CACNA2D3: variants seen among roughly 807,000 people sequenced by gnomAD.
CACNA2D3 encodes calcium voltage-gated channel auxiliary subunit alpha2delta 3.
In CACNA2D3, 60 loss-of-function variants were observed where a neutral mutation model predicts 160.6. The ratio of observed to expected loss-of-function variants is 0.37; its 90% CI spans 0.30 to 0.46. CACNA2D3 has a LOEUF of 0.46. Among genes scored for constraint, CACNA2D3 ranks in the 20% least tolerant of loss-of-function variants. CACNA2D3 has a pLI of 1.00. For missense variants in CACNA2D3, 1,205 were observed against 1,365.0 expected, an observed-to-expected ratio of 0.88 and a Z score of 1.85; for synonymous variants, 558 against 492.9, an observed-to-expected ratio of 1.13 and a Z score of -1.75.
chr3:54,300,510 G>C (rs1469159638), intron 2 of CACNA2D3, among the ~76,000 whole-genome samples: 1 of 152,222 alleles, frequency 6.6e-6, no homozygotes, highest in African/African-American at 2.4e-5. Context: ...GGTAGAGCTT[G>C]TAAGCCCGTG....
intron 25 of CACNA2D3, among the ~76,000 whole-genome samples, chr3:54,896,254 G>A (rs189756330): frequency 2.6e-5 from 4 of 152,230 alleles, no homozygotes; most frequent in Admixed American, 1.3e-4. Context: ...AGGGAAGAAG[G>A]TACAAAGATC....
chr3:54,783,286 C>T lies in CACNA2D3; in HGVS notation c.1380+18935C>T, dbSNP rs527974432. 1.2e-3 allele frequency among the ~76,000 whole-genome samples: 185 copies of T among 152,152 alleles called. 1 individual carries two copies. Among genetic ancestry groups the T allele is most frequent in the Non-Finnish European group, 6.6e-4 (45 of 68,002 alleles). ...TCACCTCTACTGAATTAAAAAAAAC[C>T]CATGGTACCCACTTTGAGATATGAA... On this transcript the variant is annotated intron_variant, in intron 13 of 37. Transcript: ENST00000474759.
intron 30 of CACNA2D3, among the ~76,000 whole-genome samples, chr3:54,984,902 G>A (rs969158360): frequency 6.6e-6 from 1 of 152,176 alleles, no homozygotes; most frequent in Admixed American, 6.5e-5. Flanking sequence ...ACAGTGCCCA[G>A]GGTCTGTTCT....
At chr3:54,947,861 G>C (rs961426294) in intron 27 of CACNA2D3, among the ~76,000 whole-genome samples, 8 of 152,172 alleles carry the variant, frequency 5.3e-5, no homozygotes, top group African/African-American at 1.9e-4. Flanking sequence ...GCACTCACTA[G>C]GGAGCTGCTT....
At chr3:54,823,842 T>C (rs1405841937) in intron 14 of CACNA2D3, among the ~76,000 whole-genome samples, 2 of 152,202 alleles carry the variant, frequency 1.3e-5, no homozygotes, top group Admixed American at 6.5e-5. Context: ...AGAACAAATA[T>C]GTATTTTGTT....
At chr3:54,653,081 C>A (rs922104418) in intron 11 of CACNA2D3, among the ~76,000 whole-genome samples, 3 of 152,078 alleles carry the variant, frequency 2.0e-5, no homozygotes, top group Non-Finnish European at 4.4e-5. Context: ...CCGTGCCGGA[C>A]ATATGGGAGG....
chr3:55,033,327 C>T (rs899793024), intron 35 of CACNA2D3, among the ~76,000 whole-genome samples: 2 of 152,010 alleles, frequency 1.3e-5, no homozygotes, highest in Non-Finnish European at 2.9e-5. Context: ...TAGTGTGGTA[C>T]ATAGGATATG....
chr3:54,644,032 G>A (rs1007049579), intron 11 of CACNA2D3, among the ~76,000 whole-genome samples: 3 of 152,128 alleles, frequency 2.0e-5, no homozygotes, highest in Admixed American at 1.3e-4. Context: ...CTCACATGTT[G>A]TATCACATGA....
intron 5 of CACNA2D3, among the ~76,000 whole-genome samples, chr3:54,509,666 A>T (rs1259792308): frequency 6.6e-6 from 1 of 152,024 alleles, no homozygotes; most frequent in South Asian, 2.1e-4. Context: ...GATTCCAGGA[A>T]CCCCTATTCC....
chr3:54,312,340 C>G (rs1157426815), intron 2 of CACNA2D3, among the ~76,000 whole-genome samples: 1 of 152,150 alleles, frequency 6.6e-6, no homozygotes, highest in Non-Finnish European at 1.5e-5. Context: ...TGCACCCACT[C>G]TTTGGCTAAT....
intron 4 of CACNA2D3, among the ~76,000 whole-genome samples, chr3:54,417,948 A>T (rs756412339): frequency 6.6e-6 from 1 of 152,066 alleles, no homozygotes; most frequent in East Asian, 1.9e-4. Flanking sequence ...CACCACACCC[A>T]GGTAATTTTT....
chr3:54,664,815 G>C (rs1218355262), intron 11 of CACNA2D3, among the ~76,000 whole-genome samples: 2 of 152,184 alleles, frequency 1.3e-5, no homozygotes, highest in Non-Finnish European at 2.9e-5. Context: ...AGCAAGGAGG[G>C]AGCATGGGGC....
At chr3:54,698,160 GA>G (rs1467193636) in intron 11 of CACNA2D3, among the ~76,000 whole-genome samples, 2 of 152,142 alleles carry the variant, frequency 1.3e-5, no homozygotes, top group African/African-American at 4.8e-5. Context: ...TGCTCCCCAG[GA>G]GACTGCCTGT....
intron 9 of CACNA2D3, among the ~76,000 whole-genome samples, chr3:54,597,979 C>G (rs140170048): frequency 3.3e-5 from 5 of 152,106 alleles, no homozygotes; most frequent in Admixed American, 6.5e-5. Context: ...CCTTTCCCAT[C>G]CATAGAGCGA....
intron 27 of CACNA2D3, among the ~76,000 whole-genome samples, chr3:54,920,162 T>A (rs1290742926): frequency 1.3e-5 from 2 of 152,184 alleles, no homozygotes; most frequent in Non-Finnish European, 2.9e-5. Flanking sequence ...CAGAAAGACA[T>A]ATGTAGAGGG....
intron 16 of CACNA2D3, among the ~76,000 whole-genome samples, chr3:54,839,062 C>G (rs956537293): frequency 6.6e-6 from 1 of 152,120 alleles, no homozygotes; most frequent in Non-Finnish European, 1.5e-5. Flanking sequence ...TGGAGACCAT[C>G]CTGGCTAACA....
intron 4 of CACNA2D3, among the ~76,000 whole-genome samples, chr3:54,428,033 A>C (rs1011766061): frequency 6.6e-6 from 1 of 152,252 alleles, no homozygotes; most frequent in African/African-American, 2.4e-5. Flanking sequence ...CATGTCAGGC[A>C]GAAAAAATGT....
At chr3:54,424,373 C>G (rs77952377) in intron 4 of CACNA2D3, among the ~76,000 whole-genome samples, 1 of 152,206 alleles carries the variant, frequency 6.6e-6, no homozygotes, top group Non-Finnish European at 1.5e-5. Flanking sequence ...AAAAGGAGCT[C>G]TTTATGACAG....
chr3:54,139,922 G>A (rs899672058), intron 2 of CACNA2D3, among the ~76,000 whole-genome samples: 9 of 152,186 alleles, frequency 5.9e-5, no homozygotes, highest in African/African-American at 1.7e-4. Context: ...CCAGACATAA[G>A]CAATGGAGCT....
Sources: gnomAD v4.1 joint callset for allele counts (sites outside exome capture counted in the v4.1 genomes callset) on GRCh38, gnomAD v4.1.1 for gene constraint, MANE v1.5 for transcripts, NCBI Gene and HGNC (gene_info 2026-07-23, HGNC 2026-07-21) for gene names.